Variants in PLCXD3 observed in about 807,000 individuals in gnomAD.
PLCXD3 encodes the protein PI-PLC X domain-containing protein 3.
Under a neutral mutation model 25.5 loss-of-function variants are expected in PLCXD3, and 19 were observed. The ratio of observed to expected loss-of-function variants is 0.75; its 90% CI spans 0.52 to 1.09. The LOEUF is 1.09. Among genes scored for constraint, PLCXD3 ranks in the 50% least tolerant of loss-of-function variants. The probability of loss-of-function intolerance (pLI) is 0.00; values close to 1 mark genes in which losing one functional copy is unlikely to be tolerated. For synonymous variants in PLCXD3, 174 were observed against 137.6 expected (o/e 1.26, Z -1.85); for missense variants, 411 against 388.1 (o/e 1.06, Z -0.50).
intron 2 of PLCXD3, among the ~76,000 whole-genome samples, chr5:41,329,296 C>T (rs530252321): frequency 7.2e-5 from 11 of 152,232 alleles, no homozygotes; most frequent in African/African-American, 2.4e-4. Flanking sequence ...GAATTGTAAT[C>T]GTATTTATGC....
intron 1 of PLCXD3, among the ~76,000 whole-genome samples, chr5:41,455,161 A>G (rs910320355): frequency 3.3e-5 from 5 of 151,976 alleles, no homozygotes; most frequent in African/African-American, 1.2e-4. Flanking sequence ...AGGTGGGGAC[A>G]CAAAGCCTAA....
At chr5:41,362,771 T>C (rs539956605) in intron 2 of PLCXD3, among the ~76,000 whole-genome samples, 138 of 152,312 alleles carry the variant, frequency 9.1e-4, no homozygotes, top group African/African-American at 3.3e-3. Context: ...ACCAACCATG[T>C]AGTTTATTAT....
rs1743981136 is a variant in PLCXD3, at chr5:41,336,413, T to G, written c.813-22643A>C. Among the ~76,000 whole-genome samples the G allele has an allele frequency of 3.9e-5, 6 of 152,290 alleles. No homozygotes were observed. The South Asian group carries it at 1.2e-3, about 32-fold the overall frequency. ...GAACTCAATGCAGGTTAATTGTTAC[T>G]CCATTATTAGTGTTAATGCTTCAAG... On this transcript the variant is annotated intron_variant, in intron 2 of 2. Transcript: ENST00000377801.
rs1287235971 is a variant in PLCXD3, at chr5:41,473,205, G to A, written c.103+37219C>T. 2.0e-5 allele frequency among the ~76,000 whole-genome samples: 3 copies of A among 151,956 alleles called. No individual in the cohort carries two copies. In the South Asian group the frequency reaches 6.2e-4, roughly 31 times the overall value. On this transcript the variant is annotated intron_variant, in intron 1 of 2. Transcript: ENST00000377801. Reference sequence around the variant, plus strand: ...GAAAATCCATAGGCAGATAATTGAGGATTAACAGTATTTCAAAATAATAAA... The same window carrying A: ...GAAAATCCATAGGCAGATAATTGAGAATTAACAGTATTTCAAAATAATAAA...
In PLCXD3 at chr5:41,480,723, C is replaced by T. The variant is rs541474961; in HGVS notation, c.103+29701G>A. ...ATCACCTGAGGTCAGGATTTCAAGA[C>T]CAGCCTGGCCAACACGGTGAAACCC... is the stretch of plus-strand genomic sequence containing the variant. On this transcript the variant is annotated intron_variant, in intron 1 of 2. Coordinates refer to ENST00000377801, the MANE Select transcript of PLCXD3 (RefSeq NM_001005473.3). Among the ~76,000 whole-genome samples the T allele has an allele frequency of 3.7e-4, 56 of 152,044 alleles. 1 individual carries two copies. Among genetic ancestry groups the T allele is most frequent in the Admixed American group, 6.6e-4 (10 of 15,266 alleles).
At chr5:41,394,805 T>A (rs548388452) in intron 1 of PLCXD3, among the ~76,000 whole-genome samples, 1 of 152,246 alleles carries the variant, frequency 6.6e-6, no homozygotes, top group East Asian at 1.9e-4. Context: ...CACCCAACAG[T>A]GGATAACCTA....
chr5:41,463,171 T>C (rs1451737295), intron 1 of PLCXD3, among the ~76,000 whole-genome samples: 2 of 152,018 alleles, frequency 1.3e-5, no homozygotes, highest in Non-Finnish European at 2.9e-5. Context: ...TAACCATTGA[T>C]TCCACCTGTA....
rs70988846 is a variant in PLCXD3 at position 41,440,215 on chromosome 5, A to AT, written c.104-57682dup. ...TCTGAGCAAATTACATAATCTCTCA[A>AT]TTTTTTTTTTTTTTTTTTTTTTTTT... On this transcript the variant is annotated intron_variant, in intron 1 of 2. Coordinates refer to ENST00000377801, the MANE Select transcript of PLCXD3 (RefSeq NM_001005473.3). 6.1e-3 allele frequency among the ~76,000 whole-genome samples: 252 copies of AT among 41,076 alleles called. 55 individuals carry two copies. The highest frequency in any genetic ancestry group is 0.014 in the African/African-American group (132 of 9,610). The allele number at this position is 41,076 out of a possible 152,430, so 26.9% of individuals were successfully genotyped here. A position where few individuals can be genotyped will look rare whatever the true frequency, so the allele number is the denominator to read the frequency against.
At chr5:41,340,258 G>A (rs1464060980) in intron 2 of PLCXD3, among the ~76,000 whole-genome samples, 1 of 152,108 alleles carries the variant, frequency 6.6e-6, no homozygotes. Context: ...GCAACTCACT[G>A]CACGTAGTGT....
chr5:41,410,214 A>T (rs1026198846), intron 1 of PLCXD3, among the ~76,000 whole-genome samples: 3 of 147,258 alleles, frequency 2.0e-5, no homozygotes, highest in African/African-American at 7.5e-5. Context: ...ATCTCGGCTC[A>T]CTGCAGCCTC....
chr5:41,423,226 T>TTA (rs1041041938), intron 1 of PLCXD3, among the ~76,000 whole-genome samples: 2 of 152,142 alleles, frequency 1.3e-5, no homozygotes, highest in Non-Finnish European at 2.9e-5. Flanking sequence ...GAAAAATGGG[T>TTA]TATATGTTCT....
At chr5:41,435,122 A>G (rs1312418800) in intron 1 of PLCXD3, among the ~76,000 whole-genome samples, 1 of 152,180 alleles carries the variant, frequency 6.6e-6, no homozygotes, top group African/African-American at 2.4e-5. Context: ...CAAAGGCACA[A>G]AGGATTTTAA....
intron 1 of PLCXD3, among the ~76,000 whole-genome samples, chr5:41,476,348 A>G (rs1161471408): frequency 6.6e-6 from 1 of 152,232 alleles, no homozygotes; most frequent in Admixed American, 6.5e-5. Context: ...CCCAGAATTA[A>G]TAAGAATGCC....
At chr5:41,422,314 G>GT (rs1746848198) in intron 1 of PLCXD3, among the ~76,000 whole-genome samples, 2 of 152,178 alleles carry the variant, frequency 1.3e-5, no homozygotes, top group Admixed American at 1.3e-4. Context: ...GGAGCATAAT[G>GT]TGGAGGTAAG....
chr5:41,494,107 A>G (rs1475533127), intron 1 of PLCXD3, among the ~76,000 whole-genome samples: 1 of 152,042 alleles, frequency 6.6e-6, no homozygotes, highest in African/African-American at 2.4e-5. Flanking sequence ...TTTTTTACTT[A>G]TTTATTGTTA....
chr5:41,344,796 T>C (rs1444384810), intron 2 of PLCXD3, among the ~76,000 whole-genome samples: 1 of 152,172 alleles, frequency 6.6e-6, no homozygotes, highest in Non-Finnish European at 1.5e-5. Context: ...TTTTACTTCA[T>C]ATAATTAAAA....
At chr5:41,406,562 T>G (rs1466209231) in intron 1 of PLCXD3, among the ~76,000 whole-genome samples, 1 of 152,170 alleles carries the variant, frequency 6.6e-6, no homozygotes, top group South Asian at 2.1e-4. Flanking sequence ...TCAATCAGTC[T>G]TGAAGTTGTA....
At chr5:41,339,422 A>C (rs887844066) in intron 2 of PLCXD3, among the ~76,000 whole-genome samples, 4 of 151,998 alleles carry the variant, frequency 2.6e-5, no homozygotes, top group African/African-American at 9.7e-5. Flanking sequence ...TAGAGTGAAT[A>C]TGTCAATGGA....
intron 1 of PLCXD3, among the ~76,000 whole-genome samples, chr5:41,457,114 G>C (rs1747770665): frequency 6.6e-6 from 1 of 151,872 alleles, no homozygotes; most frequent in African/African-American, 2.4e-5. Context: ...TACTTTATAA[G>C]TCTGAAAAAT....
Sources: allele counts gnomAD v4.1 joint callset (sites outside exome capture counted in the v4.1 genomes callset), GRCh38; gene constraint gnomAD v4.1.1; transcripts MANE v1.5; gene names NCBI Gene and HGNC (gene_info 2026-07-23, HGNC 2026-07-21).